The following CDH4 variants were observed in gnomAD, a reference collection of about 807,000 sequenced individuals.
CDH4 encodes cadherin 4.
Under a neutral mutation model 86.0 loss-of-function variants are expected in CDH4, and 33 were observed. That is an observed-to-expected ratio of 0.38 (90% CI 0.29 to 0.51). The LOEUF (loss-of-function observed/expected upper bound fraction) is 0.51. Ranked by LOEUF, CDH4 falls within the 20% of genes least tolerant of loss-of-function variation. CDH4 has a pLI of 0.86. For synonymous variants in CDH4, 555 were observed against 549.4 expected (o/e 1.01, Z -0.14); for missense variants, 1,114 against 1,307.4 (o/e 0.85, Z 2.28).
chr20:61,296,317 ATGCG>A (rs1435151207), intron 2 of CDH4, among the ~76,000 whole-genome samples: 1 of 144,540 alleles, frequency 6.9e-6, no homozygotes, highest in Non-Finnish European at 1.5e-5. Flanking sequence ...GTGTGTGTGC[ATGCG>A]TGCGTGTGTG....
chr20:61,351,406 C>T (rs1287842646), intron 2 of CDH4, among the ~76,000 whole-genome samples: 1 of 152,104 alleles, frequency 6.6e-6, no homozygotes, highest in East Asian at 1.9e-4. Flanking sequence ...GGGACTTGGG[C>T]GTCTACAGAT....
chr20:61,672,435 C>T (rs773425141), intron 2 of CDH4, among the ~76,000 whole-genome samples: 115 of 152,268 alleles, frequency 7.6e-4, no homozygotes, highest in African/African-American at 2.5e-3. Flanking sequence ...AGGAGCCCTC[C>T]GCAAAGTCAG....
chr20:61,354,507 G>A (rs951552017), intron 2 of CDH4, among the ~76,000 whole-genome samples: 8 of 152,344 alleles, frequency 5.3e-5, no homozygotes, highest in Non-Finnish European at 1.0e-4. Flanking sequence ...TGCTGTTGCC[G>A]TTGCTGTTGA....
chr20:61,884,805 G>A (rs1002588537), intron 7 of CDH4, among the ~76,000 whole-genome samples: 1 of 152,190 alleles, frequency 6.6e-6, no homozygotes, highest in South Asian at 2.1e-4. Context: ...GGGCTGAGGG[G>A]TTTGGAGGAA....
chr20:61,686,941 GC>G, intron 2 of CDH4, among the ~76,000 whole-genome samples: 1 of 71,288 alleles, frequency 1.4e-5, no homozygotes, highest in South Asian at 4.6e-4. Flanking sequence ...ACCAACCCCC[GC>G]CCCCCGACCC....
chr20:61,932,915 A>C, intron 13 of CDH4, 70 bp from the exon 14 acceptor site: 1 of 1,568,758 alleles, frequency 6.4e-7, no homozygotes, highest in Non-Finnish European at 8.7e-7. Flanking sequence ...ACATAGACAC[A>C]TGGCAAACAC....
chr20:61,816,251 C>G (rs927828427), intron 4 of CDH4, among the ~76,000 whole-genome samples: 1 of 152,144 alleles, frequency 6.6e-6, no homozygotes, highest in Non-Finnish European at 1.5e-5. Context: ...TAATATTTCC[C>G]CTCTGTGATG....
At chr20:61,675,854 A>G (rs2087439537) in intron 2 of CDH4, among the ~76,000 whole-genome samples, 1 of 152,180 alleles carries the variant, frequency 6.6e-6, no homozygotes, top group African/African-American at 2.4e-5. Flanking sequence ...TCAGCCAAGC[A>G]CTCCCGTGCT....
chr20:61,545,932 G>T (rs113327926), intron 2 of CDH4, among the ~76,000 whole-genome samples: 14,240 of 67,962 alleles, frequency 0.21, 1,326 homozygotes, highest in South Asian at 0.25. Context: ...TGCATGTGTG[G>T]AGGGGGTATG....
At chr20:61,718,400 T>C (rs927199035) in intron 2 of CDH4, 2 of 185,250 alleles carry the variant, frequency 1.1e-5, no homozygotes, top group African/African-American at 4.6e-5. Context: ...ATAATTCAGG[T>C]GTGATGAAAA....
chr20:61,747,518 C>T (rs2088430653), intron 3 of CDH4, among the ~76,000 whole-genome samples: 2 of 150,636 alleles, frequency 1.3e-5, no homozygotes, highest in South Asian at 2.1e-4. Flanking sequence ...ACACTAACTA[C>T]ACTTACTATC....
rs368984669 is a variant in CDH4, at chr20:61,903,406, A to G, written c.1189-7016A>G. On this transcript the variant is annotated intron_variant, in intron 8 of 15. Coordinates refer to ENST00000614565, the MANE Select transcript of CDH4 (RefSeq NM_001794.5). ...ACAAAAATACAAAAATTAGCTGGGC[A>G]TGATGGCGGGTGCTTGTAATCCCAG... 4.5e-4 allele frequency among the ~76,000 whole-genome samples: 68 copies of G among 152,232 alleles called. No individual in the cohort carries two copies. In the East Asian group the frequency reaches 0.012, roughly 27 times the overall value.
chr20:61,687,160 G>A (rs780815207), intron 2 of CDH4, among the ~76,000 whole-genome samples: 3 of 152,208 alleles, frequency 2.0e-5, no homozygotes, highest in Non-Finnish European at 4.4e-5. Context: ...GGTGTCCACT[G>A]AAGCAACCAC....
intron 3 of CDH4, among the ~76,000 whole-genome samples, chr20:61,763,272 A>C (rs933444535): frequency 1.4e-5 from 2 of 147,912 alleles, no homozygotes; most frequent in African/African-American, 5.0e-5. Flanking sequence ...TCCTCACTGA[A>C]CTTGGCAGGA....
chr20:61,424,376 GTATCCACACACA>G (rs1010146547), intron 2 of CDH4, among the ~76,000 whole-genome samples: 6 of 135,724 alleles, frequency 4.4e-5, no homozygotes, highest in East Asian at 2.3e-4. Flanking sequence ...CCACAAACAT[GTATCCACACACA>G]TATCCACACA....
At chr20:61,634,706 A>G (rs1283185752) in intron 2 of CDH4, among the ~76,000 whole-genome samples, 1 of 152,246 alleles carries the variant, frequency 6.6e-6, no homozygotes, top group Admixed American at 6.5e-5. Flanking sequence ...TTTGAAGCGC[A>G]GAGCTCTGCG....
intron 4 of CDH4, among the ~76,000 whole-genome samples, chr20:61,842,391 G>C (rs991575774): frequency 6.6e-6 from 1 of 152,144 alleles, no homozygotes; most frequent in Non-Finnish European, 1.5e-5. Context: ...CATAAAAACC[G>C]AGTGGGCTGC....
chr20:61,714,586 G>T (rs958410218), intron 2 of CDH4, among the ~76,000 whole-genome samples: 8 of 152,096 alleles, frequency 5.3e-5, no homozygotes, highest in African/African-American at 1.9e-4. Context: ...TGGGTCTTCA[G>T]TGTCCATTAT....
intron 8 of CDH4, among the ~76,000 whole-genome samples, chr20:61,909,912 G>A (rs1381132754): frequency 1.3e-5 from 2 of 152,250 alleles, no homozygotes; most frequent in Non-Finnish European, 2.9e-5. Flanking sequence ...GACTGGGAAT[G>A]AAAAGAAGTG....
Sources: allele counts gnomAD v4.1 joint callset (sites outside exome capture counted in the v4.1 genomes callset), GRCh38; gene constraint gnomAD v4.1.1; transcripts MANE v1.5; gene names NCBI Gene and HGNC (gene_info 2026-07-23, HGNC 2026-07-21).